The following PRKCQ variants were observed in gnomAD, a reference collection of about 807,000 sequenced individuals.
The protein encoded by PRKCQ is protein kinase C theta, also known as protein kinase C theta type.
PRKCQ carries 41 observed loss-of-function variants against 91.2 expected under a neutral mutation model. The ratio of observed to expected loss-of-function variants is 0.45; its 90% CI spans 0.35 to 0.58. PRKCQ has a LOEUF of 0.58. Ranked by LOEUF, PRKCQ falls within the 20% of genes least tolerant of loss-of-function variation. The pLI is 0.00. For synonymous variants in PRKCQ, 307 were observed against 316.9 expected (o/e 0.97, Z 0.33); for missense variants, 673 against 896.5 (o/e 0.75, Z 3.18).
chr10:6,554,595 C>G (rs1840336052), intron 1 of PRKCQ, among the ~76,000 whole-genome samples: 2 of 152,138 alleles, frequency 1.3e-5, no homozygotes, highest in Non-Finnish European at 2.9e-5. Context: ...GGAACTCTGT[C>G]AACTCTTGTG....
At chr10:6,467,996 T>C (rs1835775609) in intron 12 of PRKCQ, among the ~76,000 whole-genome samples, 1 of 152,148 alleles carries the variant, frequency 6.6e-6, no homozygotes. Flanking sequence ...CACTTGAGCC[T>C]AGGAGTCCAA....
intron 15 of PRKCQ, among the ~76,000 whole-genome samples, chr10:6,447,477 C>A (rs1324554241): frequency 6.6e-6 from 1 of 151,768 alleles, no homozygotes; most frequent in East Asian, 1.9e-4. Flanking sequence ...AATGAGTTTG[C>A]ACCTCCAAAG....
chr10:6,416,681 C>T, the PRKCQ span, among the ~76,000 whole-genome samples: 1 of 152,158 alleles, frequency 6.6e-6, no homozygotes, highest in Non-Finnish European at 1.5e-5. Flanking sequence ...CATACATGTG[C>T]AAATGTCTTT....
At chr10:6,467,578 T>C (rs1835758172) in intron 12 of PRKCQ, among the ~76,000 whole-genome samples, 1 of 152,106 alleles carries the variant, frequency 6.6e-6, no homozygotes, top group Admixed American at 6.5e-5. Context: ...ATTGAAGCTG[T>C]GATGGCATTG....
At chr10:6,519,914 G>A (rs1838932485) in intron 1 of PRKCQ, among the ~76,000 whole-genome samples, 1 of 152,204 alleles carries the variant, frequency 6.6e-6, no homozygotes, top group African/African-American at 2.4e-5. Flanking sequence ...TCTTTGAAGA[G>A]AGAGCACCTT....
intron 7 of PRKCQ, among the ~76,000 whole-genome samples, chr10:6,494,976 A>G (rs555296759): frequency 4.6e-5 from 7 of 152,090 alleles, no homozygotes; most frequent in African/African-American, 1.7e-4. Context: ...TATCTACCAC[A>G]CTGCTCGGCC....
chr10:6,443,205 C>T (rs1386798116), intron 15 of PRKCQ, among the ~76,000 whole-genome samples: 1 of 152,204 alleles, frequency 6.6e-6, no homozygotes, highest in Non-Finnish European at 1.5e-5. Flanking sequence ...GGGCACGCGC[C>T]ATTCTGCTCA....
At chr10:6,562,592 C>T (rs1342086603) in intron 1 of PRKCQ, among the ~76,000 whole-genome samples, 2 of 152,144 alleles carry the variant, frequency 1.3e-5, no homozygotes, top group African/African-American at 2.4e-5. Flanking sequence ...AAGGAAGTCT[C>T]AAAACCCACT....
the PRKCQ span, among the ~76,000 whole-genome samples, chr10:6,397,403 A>T: frequency 8.0e-6 from 1 of 124,862 alleles, no homozygotes; most frequent in African/African-American, 2.5e-5. Flanking sequence ...CCCTTTGCCT[A>T]TTTTTAAATT....
At chr10:6,575,897 G>A (rs975895259) in intron 1 of PRKCQ, among the ~76,000 whole-genome samples, 1 of 152,106 alleles carries the variant, frequency 6.6e-6, no homozygotes, top group African/African-American at 2.4e-5. Context: ...AAAGTTAGCT[G>A]GGTGTGGCAG....
At chr10:6,518,761 A>C (rs1354496404) in intron 1 of PRKCQ, among the ~76,000 whole-genome samples, 3 of 152,118 alleles carry the variant, frequency 2.0e-5, no homozygotes, top group Non-Finnish European at 4.4e-5. Flanking sequence ...GAGGTTGCAG[A>C]GAGCCAAGAT....
chr10:6,469,691 T>C (rs1345279917), intron 12 of PRKCQ, among the ~76,000 whole-genome samples: 2 of 152,216 alleles, frequency 1.3e-5, no homozygotes, highest in Admixed American at 6.5e-5. Flanking sequence ...TTATCTTCTC[T>C]GGAGCTCCAT....
At chr10:6,532,524 T>C (rs1261838484) in intron 1 of PRKCQ, among the ~76,000 whole-genome samples, 1 of 151,686 alleles carries the variant, frequency 6.6e-6, no homozygotes, top group Non-Finnish European at 1.5e-5. Context: ...CCACCCCGAA[T>C]GCACCCAATC....
rs538108543 is a variant in PRKCQ, at chr10:6,465,601, A to G, written c.1354-1197T>C. ...CGTCTGGGCATGAATTTGCATCTGA[A>G]AGTCTCACCTGGGTGGTTTCTTAAC... On this transcript the variant is annotated intron_variant, in intron 12 of 17. Transcript: ENST00000263125. The surrounding 1 kb of genome is among the most constrained non-coding windows in gnomAD (Gnocchi z 4.4). 1.3e-5 allele frequency among the ~76,000 whole-genome samples: 2 copies of G among 152,340 alleles called. No homozygotes were observed. The highest frequency in any genetic ancestry group is 1.3e-4 in the Admixed American group (2 of 15,302).
intron 1 of PRKCQ, among the ~76,000 whole-genome samples, chr10:6,570,190 G>A (rs1840987678): frequency 1.3e-5 from 2 of 152,252 alleles, no homozygotes; most frequent in African/African-American, 4.8e-5. Context: ...AATCGGCCAT[G>A]AGGAGAGTGC....
chr10:6,454,474 C>G (rs591743), intron 15 of PRKCQ, among the ~76,000 whole-genome samples: 150,626 of 152,226 alleles, frequency 0.99, 74,533 homozygotes, highest in East Asian at 1. Context: ...AAGTTTAGGG[C>G]AGTGAATGGA....
At chr10:6,522,597 A>G (rs1839055377) in intron 1 of PRKCQ, among the ~76,000 whole-genome samples, 1 of 152,254 alleles carries the variant, frequency 6.6e-6, no homozygotes, top group African/African-American at 2.4e-5. Flanking sequence ...ATTGAAAAAA[A>G]TATCAAGCAT....
chr10:6,562,688 T>C (rs1037478715), intron 1 of PRKCQ, among the ~76,000 whole-genome samples: 1 of 152,220 alleles, frequency 6.6e-6, no homozygotes, highest in African/African-American at 2.4e-5. Flanking sequence ...CTTTGCTACA[T>C]GGAGTATTAA....
chr10:6,429,370 T>G (rs570503751), intron 17 of PRKCQ, among the ~76,000 whole-genome samples: 6 of 152,370 alleles, frequency 3.9e-5, no homozygotes, highest in South Asian at 2.1e-4. Context: ...TTAGATGTGG[T>G]TCTGTCACAA....
Sources: gnomAD v4.1 joint callset for allele counts (sites outside exome capture counted in the v4.1 genomes callset) on GRCh38, gnomAD v4.1.1 for gene constraint, Gnocchi (gnomAD v3.1) non-coding constraint, MANE v1.5 for transcripts, NCBI Gene and HGNC (gene_info 2026-07-23, HGNC 2026-07-21) for gene names.